The following OSBPL9 variants were observed in gnomAD, a reference collection of about 807,000 sequenced individuals.
OSBPL9 encodes oxysterol binding protein like 9, also known as oxysterol-binding protein-related protein 9.
OSBPL9 carries 40 observed loss-of-function variants against 106.6 expected under a neutral mutation model. The ratio of observed to expected loss-of-function variants is 0.38; its 90% CI spans 0.29 to 0.49. The LOEUF is 0.49. Ranked by LOEUF, OSBPL9 falls within the 20% of genes least tolerant of loss-of-function variation. OSBPL9 has a pLI of 0.97. For synonymous variants in OSBPL9, 269 were observed against 295.4 expected (o/e 0.91, Z 0.92); for missense variants, 609 against 887.2 (o/e 0.69, Z 3.98).
intron 2 of OSBPL9, among the ~76,000 whole-genome samples, chr1:51,652,877 T>C (rs1233387644): frequency 2.0e-5 from 3 of 152,258 alleles, no homozygotes; most frequent in Non-Finnish European, 2.9e-5. Flanking sequence ...AAGTGGCCTC[T>C]ATCATAACTA....
chr1:51,530,382 A>G, the OSBPL9 span, among the ~76,000 whole-genome samples: 1 of 151,912 alleles, frequency 6.6e-6, no homozygotes, highest in African/African-American at 2.4e-5. Context: ...GGAATGGGAG[A>G]AAATATTTGC....
At chr1:51,702,521 T>G (rs1203898341) in intron 3 of OSBPL9, among the ~76,000 whole-genome samples, 3 of 152,210 alleles carry the variant, frequency 2.0e-5, no homozygotes, top group African/African-American at 7.2e-5. Context: ...TTTGTTTGAG[T>G]TCATTGTAGA....
At chr1:51,693,300 A>C (rs1335708012) in intron 3 of OSBPL9, among the ~76,000 whole-genome samples, 5 of 151,766 alleles carry the variant, frequency 3.3e-5, no homozygotes, top group Non-Finnish European at 7.4e-5. Flanking sequence ...TGAGCCCAGG[A>C]GGTCAAGGCT....
In OSBPL9 at chr1:51,715,033, G is replaced by C. The variant is rs371031329; in HGVS notation, c.318+954G>C. On this transcript the variant is annotated intron_variant, in intron 4 of 23. Transcript: ENST00000428468. ...TTCTCCAGTGAAAGAGCTTATATTT[G>C]TGGTACATAGGGGATTTTGTTTTAA... 5.3e-5 allele frequency among the ~76,000 whole-genome samples: 8 copies of C among 152,196 alleles called. No individual in the cohort carries two copies. In the East Asian group the frequency reaches 1.5e-3, roughly 29 times the overall value.
intron 1 of OSBPL9, among the ~76,000 whole-genome samples, chr1:51,631,738 T>C (rs1645118539): frequency 6.6e-6 from 1 of 152,182 alleles, no homozygotes; most frequent in South Asian, 2.1e-4. Flanking sequence ...AGGATTATTA[T>C]CATTTAAACT....
At chr1:51,706,584 A>C (rs1270187039) in intron 3 of OSBPL9, among the ~76,000 whole-genome samples, 1 of 151,684 alleles carries the variant, frequency 6.6e-6, no homozygotes, top group Non-Finnish European at 1.5e-5. Context: ...CCTCTATCTC[A>C]TTAATTTATG....
At position 51,743,296 on chromosome 1, in the gene OSBPL9, G is replaced by A. The variant is rs141584692; in HGVS notation, c.319-2240G>A. ...TGTGAAGTGTGAAGTTTATTCTAGA[G>A]TTAAAAGAAGGTTATGGAAGACTAT... On this transcript the variant is annotated intron_variant, in intron 4 of 23. Coordinates refer to ENST00000428468, the MANE Select transcript of OSBPL9 (RefSeq NM_024586.6). Among the ~76,000 whole-genome samples, 873 of 152,258 alleles carry A rather than the reference G, an allele frequency of 5.7e-3. 2 individuals are homozygous for A. The highest frequency in any genetic ancestry group is 0.02 in the African/African-American group (828 of 41,556).
chr1:51,571,277 CCTGATT>C, the OSBPL9 span, among the ~76,000 whole-genome samples: 2 of 152,292 alleles, frequency 1.3e-5, no homozygotes, highest in Admixed American at 1.3e-4. Flanking sequence ...AATCACAGGT[CCTGATT>C]CAGACATCTC....
rs1204194218 is a variant in OSBPL9 at position 51,788,681 on chromosome 1, C to CAACA, written c.*893_*896dup. On this transcript the variant is annotated 3_prime_UTR_variant, in exon 24 of 24. Transcript: ENST00000428468. ...ATATTGCACATGTAGGGCTGCCTACCAACATTTTATCCAAAAATGTTTTAT... is the reference window on the plus strand; with the variant it reads ...ATATTGCACATGTAGGGCTGCCTACCAACAAACATTTTATCCAAAAATGTTTTAT... Among the ~76,000 whole-genome samples the CAACA allele has an allele frequency of 3.3e-5, 5 of 151,996 alleles. No individual in the cohort carries two copies. The highest frequency in any genetic ancestry group is 9.7e-5 in the African/African-American group (4 of 41,372).
upstream of OSBPL9, chr1:51,616,967 T>A: frequency 1.4e-6 from 2 of 1,465,240 alleles, no homozygotes; most frequent in East Asian, 5.0e-5. Flanking sequence ...GAAAGCGTGT[T>A]TGACTTGATC....
intron 1 of OSBPL9, among the ~76,000 whole-genome samples, chr1:51,637,695 T>C (rs1311587446): frequency 1.3e-5 from 2 of 152,314 alleles, no homozygotes; most frequent in Non-Finnish European, 1.5e-5. Flanking sequence ...GAATCAGTAT[T>C]CCAATTTATT....
upstream of OSBPL9, chr1:51,617,068 G>A: frequency 6.4e-7 from 1 of 1,561,658 alleles, no homozygotes; most frequent in East Asian, 2.4e-5. Context: ...TGCCATATAG[G>A]CGAGTGACGT....
chr1:51,555,884 T>C, the OSBPL9 span, among the ~76,000 whole-genome samples: 1 of 152,244 alleles, frequency 6.6e-6, no homozygotes, highest in African/African-American at 2.4e-5. Context: ...TTCTATACGA[T>C]GCAGATCATG....
chr1:51,664,190 T>C (rs937312540), intron 2 of OSBPL9, among the ~76,000 whole-genome samples: 2 of 152,212 alleles, frequency 1.3e-5, no homozygotes, highest in African/African-American at 4.8e-5. Flanking sequence ...AGGAGCTTTA[T>C]TCTAATAACG....
chr1:51,675,761 G>GA (rs541281263), intron 3 of OSBPL9, among the ~76,000 whole-genome samples: 1 of 151,838 alleles, frequency 6.6e-6, no homozygotes, highest in Non-Finnish European at 1.5e-5. Flanking sequence ...CTAATAATTC[G>GA]AAAAAAACTA....
At chr1:51,617,017 A>ACTCGCCCCCCCC, upstream of OSBPL9, 3 of 1,405,530 alleles carry the variant, frequency 2.1e-6, no homozygotes, top group Non-Finnish European at 2.9e-6. Context: ...CCCGCCCAGG[A>ACTCGCCCCCCCC]CCCGCCCCGC....
At chr1:51,749,537 C>G (rs1348334328) in intron 7 of OSBPL9, 1 of 415,010 alleles carries the variant, frequency 2.4e-6, no homozygotes, top group Middle Eastern at 3.5e-4. Context: ...GGCTGGTCTC[C>G]TAGCCTCAAG....
intron 1 of OSBPL9, among the ~76,000 whole-genome samples, chr1:51,628,482 G>T (rs979830008): frequency 4.0e-5 from 6 of 151,714 alleles, no homozygotes; most frequent in African/African-American, 1.5e-4. Context: ...ACGTTGGGAG[G>T]CTGAGGTGGG....
At chr1:51,558,366 T>C in the OSBPL9 span, among the ~76,000 whole-genome samples, 1 of 152,076 alleles carries the variant, frequency 6.6e-6, no homozygotes, top group African/African-American at 2.4e-5. Flanking sequence ...CTTTGTAAAC[T>C]AACAAAATAG....
Sources: allele counts gnomAD v4.1 joint callset (sites outside exome capture counted in the v4.1 genomes callset), GRCh38; gene constraint gnomAD v4.1.1; transcripts MANE v1.5; gene names NCBI Gene and HGNC (gene_info 2026-07-23, HGNC 2026-07-21).